The following MSRB3 variants were observed in gnomAD, a reference collection of about 807,000 sequenced individuals.
MSRB3 encodes methionine-R-sulfoxide reductase B3.
MSRB3 carries 13 observed loss-of-function variants against 21.0 expected under a neutral mutation model. The observed-to-expected ratio is 0.62, with a 90% CI of 0.40 to 0.98. The LOEUF (loss-of-function observed/expected upper bound fraction) is 0.98. Ranked by LOEUF, MSRB3 falls within the 50% of genes least tolerant of loss-of-function variation. The pLI, the probability that MSRB3 is intolerant of heterozygous loss-of-function variation, is 0.00. For missense variants in MSRB3, 199 were observed against 230.3 expected (o/e 0.86, Z 0.88); for synonymous variants, 87 against 88.6 (o/e 0.98, Z 0.10).
intron 5 of MSRB3, among the ~76,000 whole-genome samples, chr12:65,370,534 G>A (rs1878260359): frequency 2.0e-5 from 3 of 152,152 alleles, no homozygotes; most frequent in Non-Finnish European, 4.4e-5. Flanking sequence ...ATTGAAGGTA[G>A]AACCTGGAAG....
chr12:65,289,497 T>G (rs1371140259), intron 1 of MSRB3, among the ~76,000 whole-genome samples: 3 of 152,084 alleles, frequency 2.0e-5, no homozygotes, highest in Non-Finnish European at 4.4e-5. Flanking sequence ...TATCTAAAAA[T>G]AAATAAATAA....
Position 65,326,859 on chromosome 12 carries a change from T to A in MSRB3, c.110T>A (p.Val37Asp). 3 of 1,610,468 alleles carry A rather than the reference T, an allele frequency of 1.9e-6. No individual in the cohort carries two copies. Among genetic ancestry groups the A allele is most frequent in the Admixed American group, 3.3e-5 (2 of 59,820 alleles). ...AGGGATAAAAAGAACTGTAAGGTGG[T>A]CTTTTCCCAGCAGGAACTGAGGAAG... ...SCRDKKNCKV[V>D]FSQQELRKRL... Residue 37 changes from valine to aspartate, a missense_variant, in exon 3 of 7, where the codon GTC becomes GAC. By Grantham distance (152) the Val-to-Asp change is radical. Coordinates refer to ENST00000308259, the MANE Select transcript of MSRB3 (RefSeq NM_001031679.3).
chr12:65,453,583 T>C (rs998575969), intron 5 of MSRB3, 145 bp from the exon 6 acceptor site: 2 of 717,482 alleles, frequency 2.8e-6, no homozygotes, highest in African/African-American at 3.5e-5. Context: ...TTCCTTCAGC[T>C]TTTGACCTTT....
intron 4 of MSRB3, among the ~76,000 whole-genome samples, chr12:65,334,559 G>A (rs774792972): frequency 8.5e-5 from 13 of 152,106 alleles, no homozygotes; most frequent in Non-Finnish European, 4.4e-5. Flanking sequence ...TCTCTCAATT[G>A]TTTGAAAAAT....
chr12:65,434,585 G>T lies in MSRB3; in HGVS notation c.293-19143G>T, dbSNP rs191352693. On this transcript the variant is annotated intron_variant, in intron 5 of 6. Transcript: ENST00000308259. ...AGATATTAATAAGCGTTGGGACTTG[G>T]AGTTGTAAAAATTCCAGTCCAGTGA... Among the ~76,000 whole-genome samples the T allele has an allele frequency of 2.6e-5, 4 of 151,942 alleles. No individual in the cohort carries two copies. In the East Asian group the frequency reaches 7.7e-4, roughly 29 times the overall value.
intron 5 of MSRB3, among the ~76,000 whole-genome samples, chr12:65,374,405 A>G (rs998376581): frequency 5.9e-5 from 9 of 152,210 alleles, no homozygotes; most frequent in Non-Finnish European, 8.8e-5. Context: ...CTGTCATGGA[A>G]TCTTATGCTG....
At chr12:65,349,597 C>T (rs1297681085) in intron 4 of MSRB3, among the ~76,000 whole-genome samples, 1 of 147,290 alleles carries the variant, frequency 6.8e-6, no homozygotes, top group Non-Finnish European at 1.5e-5. Context: ...TAATGATTGC[C>T]ATTCTAACTG....
At chr12:65,393,404 T>C (rs1354296226) in intron 5 of MSRB3, among the ~76,000 whole-genome samples, 1 of 151,776 alleles carries the variant, frequency 6.6e-6, no homozygotes, top group Non-Finnish European at 1.5e-5. Context: ...GAGGCCGAGG[T>C]GGGTGAATCA....
In MSRB3 at chr12:65,463,191, C is replaced by T; in HGVS notation, c.427C>T (p.Pro143Ser). 3 of 1,614,118 alleles carry T rather than the reference C, an allele frequency of 1.9e-6. No homozygotes were observed. The highest frequency in any genetic ancestry group is 2.5e-6 in the Non-Finnish European group (3 of 1,180,026). The change falls in exon 7 of 7, where the codon CCT becomes TCT. Residue 143 changes from proline to serine, a missense_variant. Transcript: ENST00000308259. ...CCTTGGGCACATTTTTGATGATGGG[C>T]CTCGTCCAACTGGGAAAAGATACTG... The part of the protein sequence containing the change: ...AHLGHIFDDG[P>S]RPTGKRYCIN...
At chr12:65,381,426 C>G (rs1312917440) in intron 5 of MSRB3, among the ~76,000 whole-genome samples, 1 of 152,122 alleles carries the variant, frequency 6.6e-6, no homozygotes, top group African/African-American at 2.4e-5. Context: ...CTACATTCAA[C>G]TGCAATGTGT....
At chr12:65,446,835 A>G (rs1882640549) in intron 5 of MSRB3, among the ~76,000 whole-genome samples, 1 of 152,216 alleles carries the variant, frequency 6.6e-6, no homozygotes, top group Non-Finnish European at 1.5e-5. Context: ...CAGAATTACA[A>G]AAAGGCTCAG....
intron 1 of MSRB3, among the ~76,000 whole-genome samples, chr12:65,288,342 T>C (rs1452026812): frequency 6.6e-6 from 1 of 151,730 alleles, no homozygotes; most frequent in Non-Finnish European, 1.5e-5. Context: ...AATTTAAGGA[T>C]TATTTTAAAG....
rs201118752 is a variant in MSRB3, at chr12:65,278,756, G to T, written c.-161G>T. ...CGAGGTTCGGACACCGGCGGCGGCT[G>T]CCTGGCCTTTCCATGAGCCCGCGGC... On this transcript the variant is annotated 5_prime_UTR_variant, in exon 1 of 7. Coordinates refer to ENST00000308259, the MANE Select transcript of MSRB3 (RefSeq NM_001031679.3). The T allele has an allele frequency of 1.4e-5, 22 of 1,575,972 alleles. No individual in the cohort carries two copies. In the East Asian group the frequency reaches 5.1e-4, roughly 37 times the overall value.
At chr12:65,427,242 T>G (rs186568696) in intron 5 of MSRB3, among the ~76,000 whole-genome samples, 1 of 152,280 alleles carries the variant, frequency 6.6e-6, no homozygotes, top group African/African-American at 2.4e-5. Context: ...GGGTGGGGGA[T>G]GTAGCAATTC....
chr12:65,338,498 C>A (rs1875930517), intron 4 of MSRB3, among the ~76,000 whole-genome samples: 1 of 152,120 alleles, frequency 6.6e-6, no homozygotes, highest in African/African-American at 2.4e-5. Flanking sequence ...CCTGTCTCAC[C>A]TAAGGGAGTG....
intron 1 of MSRB3, among the ~76,000 whole-genome samples, chr12:65,280,460 A>G (rs899744587): frequency 6.6e-6 from 1 of 152,156 alleles, no homozygotes; most frequent in Admixed American, 6.5e-5. Context: ...TGATGTGTTG[A>G]CTTACCTAAT....
chr12:65,333,645 G>A (rs1875570665), intron 4 of MSRB3, among the ~76,000 whole-genome samples: 1 of 152,164 alleles, frequency 6.6e-6, no homozygotes, highest in Non-Finnish European at 1.5e-5. Flanking sequence ...AATCTTTTAA[G>A]CCTTGGAATC....
rs1012101452 is a variant in MSRB3, at chr12:65,279,008, C to T, written c.-52+143C>T. 5.0e-5 allele frequency: 74 copies of T among 1,466,778 alleles called. 1 individual carries two copies. The South Asian group carries it at 1.0e-3, about 20-fold the overall frequency. 90.9% of individuals were successfully genotyped at this position (1,466,778 alleles called of 1,614,324 possible). On this transcript the variant is annotated intron_variant, in intron 1 of 6. Transcript: ENST00000308259. ...CCACCTGCGGGGACAGCCCCTGCCT[C>T]AGCCGAGAAGGGGAGCAGAAGGGTT... is the stretch of plus-strand genomic sequence containing the variant.
intron 5 of MSRB3, among the ~76,000 whole-genome samples, chr12:65,450,057 A>G (rs185376251): frequency 2.0e-5 from 3 of 152,294 alleles, no homozygotes; most frequent in Admixed American, 2.0e-4. Context: ...AGTAGACTTG[A>G]AACAGATTTA....
Sources: gnomAD v4.1 joint callset for allele counts (sites outside exome capture counted in the v4.1 genomes callset) on GRCh38, gnomAD v4.1.1 for gene constraint, MANE v1.5 for transcripts, NCBI Gene and HGNC (gene_info 2026-07-23, HGNC 2026-07-21) for gene names.